The following NCAM1 variants were observed in gnomAD, a reference collection of about 807,000 sequenced individuals.
NCAM1 encodes neural cell adhesion molecule 1.
A neutral mutation model predicts 109.8 loss-of-function variants in NCAM1; 14 were observed. The ratio of observed to expected loss-of-function variants is 0.13; its 90% CI spans 0.08 to 0.20. The LOEUF (loss-of-function observed/expected upper bound fraction) is 0.20. Among genes scored for constraint, NCAM1 ranks in the 10% least tolerant of loss-of-function variants. NCAM1 has a pLI of 1.00. For missense variants in NCAM1, 774 were observed against 1,109.9 expected (o/e 0.70, Z 4.30); for synonymous variants, 418 against 442.9 (o/e 0.94, Z 0.70).
intron 1 of NCAM1, among the ~76,000 whole-genome samples, chr11:113,012,007 C>CCTTCCTTCCTTCCTTCCTTG (rs1243482059): frequency 7.3e-6 from 1 of 136,660 alleles, no homozygotes; most frequent in African/African-American, 2.6e-5. Flanking sequence ...TTCCTTCCTT[C>CCTTCCTTCCTTCCTTCCTTG]CTTCCTTTCT....
chr11:113,045,329 T>TCA (rs1328409952), intron 1 of NCAM1, among the ~76,000 whole-genome samples: 1 of 143,584 alleles, frequency 7.0e-6, no homozygotes, highest in Non-Finnish European at 1.5e-5. Context: ...GATGGATGAG[T>TCA]CACGGCTGGG....
intron 1 of NCAM1, among the ~76,000 whole-genome samples, chr11:113,006,443 C>T (rs1266882788): frequency 6.6e-6 from 1 of 152,086 alleles, no homozygotes; most frequent in Non-Finnish European, 1.5e-5. Flanking sequence ...GTTCAGAAAC[C>T]TCTATTTCTC....
At chr11:113,242,105 T>G (rs1429828634) in intron 14 of NCAM1, among the ~76,000 whole-genome samples, 1 of 152,252 alleles carries the variant, frequency 6.6e-6, no homozygotes, top group Non-Finnish European at 1.5e-5. Flanking sequence ...GTCTCAGATT[T>G]CTTACCTCTA....
At chr11:113,203,764 T>A (rs542444598) in intron 2 of NCAM1, among the ~76,000 whole-genome samples, 26 of 152,196 alleles carry the variant, frequency 1.7e-4, no homozygotes, top group Non-Finnish European at 2.8e-4. Context: ...TAAATGTGGC[T>A]GGAAAAAATG....
intron 1 of NCAM1, among the ~76,000 whole-genome samples, chr11:113,056,393 G>A (rs564140899): frequency 6.6e-6 from 1 of 152,108 alleles, no homozygotes; most frequent in Non-Finnish European, 1.5e-5. Flanking sequence ...GAGATGAATT[G>A]TAATGTTCCC....
At chr11:113,159,068 T>G (rs1272308294) in intron 1 of NCAM1, among the ~76,000 whole-genome samples, 2 of 152,224 alleles carry the variant, frequency 1.3e-5, no homozygotes, top group East Asian at 3.8e-4. Flanking sequence ...TTAGATACAG[T>G]GTAGACCTTT....
intron 1 of NCAM1, among the ~76,000 whole-genome samples, chr11:113,136,154 A>G (rs540865040): frequency 1.8e-4 from 28 of 152,290 alleles, no homozygotes; most frequent in Middle Eastern, 3.4e-3. Context: ...CCTGTCTGTA[A>G]TTTTTAAAAA....
chr11:113,156,497 G>C (rs1355050855), intron 1 of NCAM1, among the ~76,000 whole-genome samples: 1 of 152,142 alleles, frequency 6.6e-6, no homozygotes, highest in Non-Finnish European at 1.5e-5. Context: ...AGAGATGATA[G>C]GAGAGCCAAG....
At chr11:113,072,551 A>C (rs1555085460) in intron 1 of NCAM1, among the ~76,000 whole-genome samples, 1 of 152,204 alleles carries the variant, frequency 6.6e-6, no homozygotes, top group African/African-American at 2.4e-5. Flanking sequence ...GTCGTTTCAT[A>C]GTCATGTAGA....
intron 17 of NCAM1, among the ~76,000 whole-genome samples, chr11:113,265,753 T>A (rs1212609854): frequency 1.3e-5 from 2 of 151,968 alleles, no homozygotes; most frequent in East Asian, 3.9e-4. Context: ...GTTCCAAGAG[T>A]CTGACCATCT....
intron 1 of NCAM1, among the ~76,000 whole-genome samples, chr11:113,153,374 G>A (rs1942298506): frequency 6.6e-6 from 1 of 152,038 alleles, no homozygotes; most frequent in East Asian, 1.9e-4. Context: ...AGGATAGTTA[G>A]AGGAGATATT....
At chr11:112,996,635 C>A (rs532519185) in intron 1 of NCAM1, among the ~76,000 whole-genome samples, 1 of 152,284 alleles carries the variant, frequency 6.6e-6, no homozygotes, top group African/African-American at 2.4e-5. Context: ...TTTATGCAGT[C>A]ATTTTGGACT....
intron 1 of NCAM1, among the ~76,000 whole-genome samples, chr11:113,106,274 C>A (rs1321410084): frequency 6.6e-6 from 1 of 152,162 alleles, no homozygotes; most frequent in Non-Finnish European, 1.5e-5. Flanking sequence ...GATCCGAATT[C>A]TTTTTTTCTA....
chr11:112,981,098 C>T (rs1303268126), intron 1 of NCAM1, among the ~76,000 whole-genome samples: 4 of 151,788 alleles, frequency 2.6e-5, no homozygotes. Flanking sequence ...TATCTAATAG[C>T]TTTACCACAT....
Position 113,204,442 on chromosome 11 carries a change from A to C in NCAM1, c.284A>C (p.Lys95Thr). Residue 95 changes from lysine to threonine, a missense_variant, in exon 3 of 20, where the codon AAG becomes ACG. Coordinates refer to ENST00000316851, the MANE Select transcript of NCAM1 (RefSeq NM_181351.5). ...AACATCGACGACGCCGGCATTTACAAGTGTGTGGTTACAGGCGAGGATGGC... is the reference window on the plus strand; with the variant it reads ...AACATCGACGACGCCGGCATTTACACGTGTGTGGTTACAGGCGAGGATGGC... ...NANIDDAGIY[K>T]CVVTGEDGSE... 1.2e-6 allele frequency: 2 copies of C among 1,613,992 alleles called. No individual in the cohort carries two copies. Among genetic ancestry groups the C allele is most frequent in the Non-Finnish European group, 1.7e-6 (2 of 1,179,892 alleles).
Position 113,273,863 on chromosome 11 carries a change from A to T in NCAM1, c.2457-1404A>T, listed in dbSNP as rs945455188. On this transcript the variant is annotated intron_variant, in intron 19 of 19. Transcript: ENST00000316851. The surrounding 1 kb of genome is among the most constrained non-coding windows in gnomAD (Gnocchi z 6.0). ...TTCAGCCTCATCCAGGGCTTCTCTG[A>T]GGCGACCGTCAACCAAGGGGCTGGG... is the stretch of plus-strand genomic sequence containing the variant. The T allele has an allele frequency of 2.8e-5, 6 of 216,204 alleles. No homozygotes were observed. Among genetic ancestry groups the T allele is most frequent in the East Asian group, 1.4e-4 (1 of 6,992 alleles). 13.4% of individuals were successfully genotyped at this position (216,204 alleles called of 1,614,324 possible). A position where few individuals can be genotyped will look rare whatever the true frequency, so the allele number is the denominator to read the frequency against.
At position 112,962,985 on chromosome 11, in the gene NCAM1, G is replaced by A. The variant is rs1455247074; in HGVS notation, c.52+1321G>A. On this transcript the variant is annotated intron_variant, in intron 1 of 19. Coordinates refer to ENST00000316851, the MANE Select transcript of NCAM1 (RefSeq NM_181351.5). The surrounding 1 kb of genome is among the most constrained non-coding windows in gnomAD (Gnocchi z 5.6). ...GACGGCCGACCCCCGGTTGGGGAGC[G>A]CACGGGGCGGGCCAGGGAGCACCCA... Among the ~76,000 whole-genome samples the A allele has an allele frequency of 1.2e-4, 18 of 152,090 alleles. No individual in the cohort carries two copies. Among genetic ancestry groups the A allele is most frequent in the African/African-American group, 4.3e-4 (18 of 41,442 alleles).
chr11:112,977,601 A>T (rs1477732393), intron 1 of NCAM1, among the ~76,000 whole-genome samples: 1 of 151,946 alleles, frequency 6.6e-6, no homozygotes, highest in Admixed American at 6.6e-5. Flanking sequence ...AATACATTGG[A>T]ATCAATAGTT....
In NCAM1 at chr11:113,235,230, C is replaced by A. The variant is rs1258886124; in HGVS notation, c.1825+66C>A. 6.8e-6 allele frequency: 11 copies of A among 1,612,066 alleles called. 1 individual carries two copies. The highest frequency in any genetic ancestry group is 4.0e-5 in the African/African-American group (3 of 74,920). ...CTTCTCCCTGGGGGCAGTGGGGAAC[C>A]CTGAGCTGGCCCATGTCATTGTTCA... On this transcript the variant is annotated intron_variant, in intron 14 of 19. Coordinates refer to ENST00000316851, the MANE Select transcript of NCAM1 (RefSeq NM_181351.5).
Sources: allele counts gnomAD v4.1 joint callset (sites outside exome capture counted in the v4.1 genomes callset), GRCh38; gene constraint gnomAD v4.1.1; non-coding constraint Gnocchi (gnomAD v3.1); transcripts MANE v1.5; gene names NCBI Gene and HGNC (gene_info 2026-07-23, HGNC 2026-07-21).